The following RUNX1 variants were observed in gnomAD, a reference collection of about 807,000 sequenced individuals.
The protein encoded by RUNX1 is RUNX family transcription factor 1, also known as runt-related transcription factor 1.
A neutral mutation model predicts 42.8 loss-of-function variants in RUNX1; 19 were observed. That is an observed-to-expected ratio of 0.44 (90% CI 0.31 to 0.65). The LOEUF (loss-of-function observed/expected upper bound fraction) is 0.65, where lower values mean the gene tolerates loss of function less well. Ranked by LOEUF, RUNX1 falls within the 30% of genes least tolerant of loss-of-function variation. The pLI is 0.07. For synonymous variants in RUNX1, 271 were observed against 289.4 expected (o/e 0.94, Z 0.64); for missense variants, 528 against 672.0 (o/e 0.79, Z 2.37).
intron 2 of RUNX1, among the ~76,000 whole-genome samples, chr21:35,044,803 C>A (rs947926790): frequency 2.6e-5 from 4 of 152,234 alleles, no homozygotes; most frequent in African/African-American, 9.7e-5. Flanking sequence ...TTTCTGAGCA[C>A]ATCTTTCGGA....
Position 34,952,145 on chromosome 21 carries a change from A to G in RUNX1, c.59-59182T>C, listed in dbSNP as rs191312518. On this transcript the variant is annotated intron_variant, in intron 2 of 8. Coordinates refer to ENST00000675419, the MANE Select transcript of RUNX1 (RefSeq NM_001754.5). Reference sequence around the variant, plus strand: ...ACAAGGACAGAAAACCAAACACTACATGTTCTCACTCATAAGTGTGAGTTG... The same window carrying G: ...ACAAGGACAGAAAACCAAACACTACGTGTTCTCACTCATAAGTGTGAGTTG... Among the ~76,000 whole-genome samples the G allele has an allele frequency of 2.2e-3, 331 of 152,278 alleles. 2 individuals carry two copies. The highest frequency in any genetic ancestry group is 3.6e-3 in the Non-Finnish European group (248 of 68,026).
At chr21:34,888,399 C>T (rs2058028784) in intron 3 of RUNX1, 1 of 1,067,760 alleles carries the variant, frequency 9.4e-7, no homozygotes, top group Non-Finnish European at 1.1e-6. Context: ...CACTTTCTCC[C>T]CCTGTTGTAA....
chr21:34,970,317 G>T (rs1267521972), intron 2 of RUNX1, among the ~76,000 whole-genome samples: 5 of 152,240 alleles, frequency 3.3e-5, no homozygotes, highest in Non-Finnish European at 7.3e-5. Context: ...CACCACAGAT[G>T]ACTCCAACAC....
chr21:35,011,153 T>C (rs2059123864), intron 2 of RUNX1, among the ~76,000 whole-genome samples: 1 of 152,172 alleles, frequency 6.6e-6, no homozygotes, highest in African/African-American at 2.4e-5. Flanking sequence ...AAGTGAGATA[T>C]TTCATGGCAA....
intron 4 of RUNX1, among the ~76,000 whole-genome samples, chr21:34,883,465 C>A (rs778491571): frequency 6.6e-6 from 1 of 151,928 alleles, no homozygotes; most frequent in Admixed American, 6.5e-5. Flanking sequence ...AACTAACATG[C>A]GTGCTAATTT....
chr21:34,893,205 C>T (rs1007884329), intron 2 of RUNX1, among the ~76,000 whole-genome samples: 1 of 152,116 alleles, frequency 6.6e-6, no homozygotes, highest in Non-Finnish European at 1.5e-5. Flanking sequence ...TACTGAATAT[C>T]TGTCATAGAA....
chr21:34,950,816 G>T (rs2058601630), intron 2 of RUNX1, among the ~76,000 whole-genome samples: 1 of 152,142 alleles, frequency 6.6e-6, no homozygotes, highest in African/African-American at 2.4e-5. Context: ...CCTGTGGATG[G>T]CCCCCCAAGA....
chr21:34,848,114 A>G (rs1488771353), intron 6 of RUNX1, among the ~76,000 whole-genome samples: 1 of 152,210 alleles, frequency 6.6e-6, no homozygotes, highest in Non-Finnish European at 1.5e-5. Context: ...CTATGCCCTA[A>G]CATGAATTAT....
At chr21:34,937,839 T>C (rs1444880121) in intron 2 of RUNX1, among the ~76,000 whole-genome samples, 1 of 152,160 alleles carries the variant, frequency 6.6e-6, no homozygotes, top group Non-Finnish European at 1.5e-5. Context: ...CCAGGCAAGG[T>C]TGAGCTTTCT....
chr21:34,973,177 G>A (rs1364859122), intron 2 of RUNX1, among the ~76,000 whole-genome samples: 3 of 152,222 alleles, frequency 2.0e-5, no homozygotes, highest in Non-Finnish European at 2.9e-5. Flanking sequence ...TGGACAAAGG[G>A]AGGAGGCAGA....
At chr21:34,973,843 C>T (rs925103158) in intron 2 of RUNX1, among the ~76,000 whole-genome samples, 1 of 152,168 alleles carries the variant, frequency 6.6e-6, no homozygotes, top group Non-Finnish European at 1.5e-5. Flanking sequence ...CTACAAGTCT[C>T]CAGGGAGAAA....
At chr21:34,995,688 G>A (rs868112123) in intron 2 of RUNX1, among the ~76,000 whole-genome samples, 4 of 152,178 alleles carry the variant, frequency 2.6e-5, no homozygotes, top group East Asian at 3.9e-4. Context: ...CCATTCACCC[G>A]CCTTGGCCTC....
intron 6 of RUNX1, among the ~76,000 whole-genome samples, chr21:34,854,959 A>G (rs911364512): frequency 6.6e-6 from 1 of 152,210 alleles, no homozygotes. Context: ...AAATAACTAT[A>G]TTTAATTAAA....
chr21:34,793,789 C>A (rs1231592176), intron 8 of RUNX1, among the ~76,000 whole-genome samples: 1 of 150,366 alleles, frequency 6.7e-6, no homozygotes, highest in Non-Finnish European at 1.5e-5. Flanking sequence ...CTGCACCCAC[C>A]ACCTCCTGGG....
intron 2 of RUNX1, among the ~76,000 whole-genome samples, chr21:34,968,248 T>C (rs553830730): frequency 2.6e-5 from 4 of 152,324 alleles, no homozygotes; most frequent in African/African-American, 9.6e-5. Context: ...TCCAAAGCAA[T>C]GTGTCTCTTC....
chr21:34,901,213 C>CA lies in RUNX1; in HGVS notation c.59-8251dup, dbSNP rs1437200744. On this transcript the variant is annotated intron_variant, in intron 2 of 8. Transcript: ENST00000675419. The surrounding 1 kb of genome is among the most constrained non-coding windows in gnomAD (Gnocchi z 4.3). ...TGAAGGTCCAAGTGTCTCTTTTGTG[C>CA]AAAGATAACAGTTTCTGGCTGGTCA... Among the ~76,000 whole-genome samples, 2 of 151,862 alleles carry CA rather than the reference C, an allele frequency of 1.3e-5. No individual in the cohort carries two copies. The highest frequency in any genetic ancestry group is 1.3e-4 in the Admixed American group (2 of 15,244).
chr21:34,998,159 T>G (rs774234852), intron 2 of RUNX1, among the ~76,000 whole-genome samples: 333 of 152,310 alleles, frequency 2.2e-3, no homozygotes, highest in Non-Finnish European at 3.9e-3. Flanking sequence ...CTGTCAATAT[T>G]AATATCTTTG....
intron 6 of RUNX1, among the ~76,000 whole-genome samples, chr21:34,835,762 A>T (rs2057136881): frequency 6.6e-6 from 1 of 152,188 alleles, no homozygotes; most frequent in Admixed American, 6.5e-5. Flanking sequence ...CCCCAAAGCC[A>T]GACTGAGAAA....
At position 34,792,653 on chromosome 21, in the gene RUNX1, T is replaced by C. The variant is rs1283328307; in HGVS notation, c.968-43A>G. 3 of 1,517,738 alleles carry C rather than the reference T, an allele frequency of 2.0e-6. No homozygotes were observed. The highest frequency in any genetic ancestry group is 1.4e-5 in the African/African-American group (1 of 72,742). 94.0% of individuals were successfully genotyped at this position (1,517,738 alleles called of 1,614,324 possible). A position where few individuals can be genotyped will look rare whatever the true frequency, so the allele number is the denominator to read the frequency against. ...GAACGGAGCGGAAGTGAGTAGGAGG[T>C]TGCGGAGGCCACAGCTCTTCCCTCT... On this transcript the variant is annotated intron_variant, in intron 8 of 8. Coordinates refer to ENST00000675419, the MANE Select transcript of RUNX1 (RefSeq NM_001754.5). The surrounding 1 kb of genome is among the most constrained non-coding windows in gnomAD (Gnocchi z 6.9).
Sources: allele counts gnomAD v4.1 joint callset (sites outside exome capture counted in the v4.1 genomes callset), GRCh38; gene constraint gnomAD v4.1.1; non-coding constraint Gnocchi (gnomAD v3.1); transcripts MANE v1.5; gene names NCBI Gene and HGNC (gene_info 2026-07-23, HGNC 2026-07-21).